The following SPOCK1 variants were observed in gnomAD, a reference collection of about 807,000 sequenced individuals.
SPOCK1 encodes the protein SPARC (osteonectin), cwcv and kazal like domains proteoglycan 1.
Under a neutral mutation model 55.3 loss-of-function variants are expected in SPOCK1, and 23 were observed. The observed-to-expected ratio is 0.42, with a 90% confidence interval of 0.30 to 0.59. The LOEUF is 0.59. SPOCK1 is among the 20% of genes least tolerant of loss of function. The pLI, the probability that SPOCK1 is intolerant of heterozygous loss-of-function variation, is 0.22. For missense variants in SPOCK1, 499 were observed against 552.5 expected, an observed-to-expected ratio of 0.90 and a Z score of 0.97; for synonymous variants, 226 against 221.0, an observed-to-expected ratio of 1.02 and a Z score of -0.20.
intron 2 of SPOCK1, among the ~76,000 whole-genome samples, chr5:137,473,361 T>C (rs573651669): frequency 3.3e-5 from 5 of 152,332 alleles, no homozygotes; most frequent in African/African-American, 1.2e-4. Context: ...GGTACGCAAG[T>C]AAACATGTAT....
chr5:137,216,924 G>A (rs1216488733), intron 3 of SPOCK1, among the ~76,000 whole-genome samples: 1 of 152,174 alleles, frequency 6.6e-6, no homozygotes, highest in Admixed American at 6.5e-5. Flanking sequence ...AAAAGGCAAG[G>A]TTTTAAAATA....
chr5:137,448,258 T>G (rs1022121698), intron 2 of SPOCK1, among the ~76,000 whole-genome samples: 4 of 152,076 alleles, frequency 2.6e-5, no homozygotes. Flanking sequence ...CAAAAAAAAT[T>G]TTTTTAATTA....
chr5:137,441,931 C>G (rs1249795597), intron 2 of SPOCK1, among the ~76,000 whole-genome samples: 1 of 152,158 alleles, frequency 6.6e-6, no homozygotes, highest in African/African-American at 2.4e-5. Flanking sequence ...ATGTCCCCTG[C>G]AAGAATAAAT....
At chr5:137,433,241 A>G (rs1752787201) in intron 2 of SPOCK1, among the ~76,000 whole-genome samples, 1 of 152,230 alleles carries the variant, frequency 6.6e-6, no homozygotes, top group Admixed American at 6.5e-5. Flanking sequence ...AGTGTTACAG[A>G]TGATTCCAGG....
intron 2 of SPOCK1, among the ~76,000 whole-genome samples, chr5:137,482,037 C>G (rs752019576): frequency 6.6e-6 from 1 of 152,312 alleles, no homozygotes; most frequent in South Asian, 2.1e-4. Context: ...CTTTACCTGG[C>G]AAGTGACTGG....
intron 2 of SPOCK1, among the ~76,000 whole-genome samples, chr5:137,427,066 T>C (rs1404626221): frequency 6.6e-6 from 1 of 152,210 alleles, no homozygotes; most frequent in Non-Finnish European, 1.5e-5. Flanking sequence ...ATAATGTGTG[T>C]CACTTCCAGG....
chr5:137,285,505 T>C (rs1039111947), intron 2 of SPOCK1, among the ~76,000 whole-genome samples: 2 of 152,166 alleles, frequency 1.3e-5, no homozygotes, highest in Admixed American at 1.3e-4. Flanking sequence ...AGAAAATAAA[T>C]AACCAGTTTA....
chr5:137,088,393 C>T (rs1752997837), intron 5 of SPOCK1, among the ~76,000 whole-genome samples: 1 of 152,228 alleles, frequency 6.6e-6, no homozygotes, highest in South Asian at 2.1e-4. Flanking sequence ...TTCTCACATA[C>T]TTGAAAGACG....
chr5:137,193,776 T>C (rs1755237117), intron 3 of SPOCK1, among the ~76,000 whole-genome samples: 1 of 152,184 alleles, frequency 6.6e-6, no homozygotes, highest in Non-Finnish European at 1.5e-5. Flanking sequence ...GATAGCTCAA[T>C]ATAGCTTTGG....
At chr5:137,492,741 C>A (rs533747637) in intron 2 of SPOCK1, among the ~76,000 whole-genome samples, 5 of 152,192 alleles carry the variant, frequency 3.3e-5, no homozygotes, top group African/African-American at 4.8e-5. Flanking sequence ...CAGAAACCTG[C>A]GAGAGTGCCA....
At chr5:137,435,800 GA>G (rs1752852700) in intron 2 of SPOCK1, among the ~76,000 whole-genome samples, 1 of 129,962 alleles carries the variant, frequency 7.7e-6, no homozygotes, top group Admixed American at 7.6e-5. Context: ...GTTTTTCTTA[GA>G]TTTTTTTTTT....
At chr5:137,311,532 A>G (rs952545913) in intron 2 of SPOCK1, among the ~76,000 whole-genome samples, 1 of 152,236 alleles carries the variant, frequency 6.6e-6, no homozygotes, top group Non-Finnish European at 1.5e-5. Context: ...TTCATCTGCA[A>G]GCATAAGTAA....
At chr5:137,044,116 T>C (rs1224364360) in intron 6 of SPOCK1, among the ~76,000 whole-genome samples, 1 of 152,152 alleles carries the variant, frequency 6.6e-6, no homozygotes, top group Non-Finnish European at 1.5e-5. Flanking sequence ...TGGACACCAG[T>C]TGCTGAACAG....
chr5:137,191,646 C>T (rs1019350527), intron 3 of SPOCK1, among the ~76,000 whole-genome samples: 1 of 152,134 alleles, frequency 6.6e-6, no homozygotes, highest in African/African-American at 2.4e-5. Flanking sequence ...ATATCAGTGG[C>T]CCATCAGGTA....
At chr5:137,354,302 T>C (rs566684877) in intron 2 of SPOCK1, among the ~76,000 whole-genome samples, 70 of 152,276 alleles carry the variant, frequency 4.6e-4, no homozygotes, top group Admixed American at 1.4e-3. Flanking sequence ...ATAGTGGATG[T>C]GGATTTCTGC....
chr5:137,103,816 A>T (rs1482809471), intron 5 of SPOCK1, among the ~76,000 whole-genome samples: 2 of 152,252 alleles, frequency 1.3e-5, no homozygotes, highest in African/African-American at 4.8e-5. Flanking sequence ...AACTCTATTT[A>T]AACTAATAGT....
chr5:137,145,007 C>T (rs1228147523), intron 3 of SPOCK1, among the ~76,000 whole-genome samples: 3 of 152,152 alleles, frequency 2.0e-5, no homozygotes, highest in Non-Finnish European at 4.4e-5. Context: ...CTGCAGGACT[C>T]CTGTGGACCC....
At chr5:137,343,042 T>A (rs1333068314) in intron 2 of SPOCK1, among the ~76,000 whole-genome samples, 1 of 152,250 alleles carries the variant, frequency 6.6e-6, no homozygotes, top group Non-Finnish European at 1.5e-5. Flanking sequence ...CAAAGCAGGC[T>A]TTCAGGCATC....
chr5:137,469,677 G>A (rs1332059631), intron 2 of SPOCK1, among the ~76,000 whole-genome samples: 2 of 152,128 alleles, frequency 1.3e-5, no homozygotes, highest in Non-Finnish European at 2.9e-5. Context: ...TTAAAGTTCA[G>A]TGCAACGTAC....
Sources: allele counts gnomAD v4.1 joint callset (sites outside exome capture counted in the v4.1 genomes callset), GRCh38; gene constraint gnomAD v4.1.1; transcripts MANE v1.5; gene names NCBI Gene and HGNC (gene_info 2026-07-23, HGNC 2026-07-21).